Variants in ZDHHC11B observed in about 807,000 individuals in gnomAD.
The protein encoded by ZDHHC11B is zDHHC palmitoyltransferase 11B (putative), also known as probable palmitoyltransferase ZDHHC11B.
A neutral mutation model predicts 42.3 loss-of-function variants in ZDHHC11B; 17 were observed. The ratio of observed to expected loss-of-function variants is 0.40; its 90% confidence interval spans 0.27 to 0.60. The LOEUF (loss-of-function observed/expected upper bound fraction) is 0.60, where lower values mean the gene tolerates loss of function less well. Among genes scored for constraint, ZDHHC11B ranks in the 20% least tolerant of loss-of-function variants. ZDHHC11B has a pLI of 0.41. For missense variants in ZDHHC11B, 262 were observed against 463.2 expected (o/e 0.57, Z 3.99); for synonymous variants, 123 against 193.5 (o/e 0.64, Z 3.02).
Position 784,708 on chromosome 5 carries a change from C to T in ZDHHC11B, c.-270G>A, listed in dbSNP as rs1047183472. On this transcript the variant is annotated 5_prime_UTR_variant, in exon 1 of 14. Coordinates refer to ENST00000508859, the MANE Select transcript of ZDHHC11B (RefSeq NM_001351303.2). ...ACTGCAGCGGAGGCTCCCCCGCGAC[C>T]CGGCCGCGCGCGACCAAGTGCTCAG... is the stretch of plus-strand genomic sequence containing the variant. 2.0e-5 allele frequency among the ~76,000 whole-genome samples: 3 copies of T among 150,022 alleles called. No individual in the cohort carries two copies. The highest frequency in any genetic ancestry group is 2.1e-4 in the South Asian group (1 of 4,762).
chr5:764,176 G>T (rs1219181296), intron 4 of ZDHHC11B, among the ~76,000 whole-genome samples: 1 of 151,966 alleles, frequency 6.6e-6, no homozygotes, highest in Non-Finnish European at 1.5e-5. Flanking sequence ...TGCCCGGGAT[G>T]GCCCAGCCCA....
In ZDHHC11B at chr5:767,020, G is replaced by A. The variant is rs531047202; in HGVS notation, c.1-101C>T. Reference sequence around the variant, plus strand: ...ACGGGGACTGGGAACATGGCCCCCAGGACCAGCACTGACAGCCAATGGCCC... The same window carrying A: ...ACGGGGACTGGGAACATGGCCCCCAAGACCAGCACTGACAGCCAATGGCCC... On this transcript the variant is annotated intron_variant, in intron 3 of 13. Coordinates refer to ENST00000508859, the MANE Select transcript of ZDHHC11B (RefSeq NM_001351303.2). 8.1e-4 allele frequency: 1,120 copies of A among 1,381,650 alleles called. 25 individuals carry two copies. The highest frequency in any genetic ancestry group is 2.9e-3 in the Middle Eastern group (16 of 5,494). 85.6% of individuals were successfully genotyped at this position (1,381,650 alleles called of 1,614,324 possible). A position where few individuals can be genotyped will look rare whatever the true frequency, so the allele number is the denominator to read the frequency against.
intron 1 of ZDHHC11B, among the ~76,000 whole-genome samples, chr5:783,634 C>A (rs1163399341): frequency 6.7e-6 from 1 of 150,334 alleles, no homozygotes; most frequent in Non-Finnish European, 1.5e-5. Context: ...CCCCCAACCC[C>A]CATCAAAACA....
chr5:773,057 A>C (rs1736186377), intron 1 of ZDHHC11B, among the ~76,000 whole-genome samples: 1 of 151,900 alleles, frequency 6.6e-6, no homozygotes, highest in South Asian at 2.1e-4. Context: ...AGGAGCGGAG[A>C]AGATGGGAGA....
rs113684681 is a variant in ZDHHC11B, at chr5:739,096, CA to C, written c.935+2497del. On this transcript the variant is annotated intron_variant, in intron 10 of 13. Transcript: ENST00000508859. ...TCTAAAAGGAACTCAAACAAATCCG[CA>C]AAAAAAAAACAAATCATCCAATTGG... 6.2e-5 allele frequency among the ~76,000 whole-genome samples: 9 copies of C among 145,494 alleles called. No homozygotes were observed. In the East Asian group the frequency reaches 8.1e-4, roughly 13 times the overall value.
intron 1 of ZDHHC11B, among the ~76,000 whole-genome samples, chr5:783,467 C>T (rs1167677652): frequency 2.1e-5 from 3 of 145,522 alleles, no homozygotes; most frequent in East Asian, 2.4e-4. Context: ...ACCTCTCCCC[C>T]TGAGAAGTCA....
chr5:783,880 C>T (rs1286586692), intron 1 of ZDHHC11B, among the ~76,000 whole-genome samples: 3 of 147,004 alleles, frequency 2.0e-5, no homozygotes, highest in Non-Finnish European at 4.5e-5. Flanking sequence ...AAGACAGCAG[C>T]CCCCCTAAAC....
intron 10 of ZDHHC11B, among the ~76,000 whole-genome samples, chr5:740,668 A>G (rs1457263232): frequency 2.7e-5 from 4 of 147,420 alleles, no homozygotes; most frequent in African/African-American, 1.0e-4. Flanking sequence ...ACCTTAGAGT[A>G]ATGACGCCTT....
At chr5:765,618 C>T (rs1285345868) in intron 4 of ZDHHC11B, among the ~76,000 whole-genome samples, 4 of 151,858 alleles carry the variant, frequency 2.6e-5, no homozygotes, top group East Asian at 1.9e-4. Context: ...TTCTCTTCCA[C>T]ATTGTGGAAG....
In ZDHHC11B at chr5:719,538, G is replaced by T. The variant is rs560884692; in HGVS notation, c.1059-2673C>A. 2.6e-4 allele frequency among the ~76,000 whole-genome samples: 39 copies of T among 150,838 alleles called. 1 individual carries two copies. The highest frequency in any genetic ancestry group is 8.8e-4 in the African/African-American group (36 of 40,916). ...GGAAAGTACATAACTGAAATAAAAA[G>T]TTCATTAGAAGAGTTCAACAGATCT... On this transcript the variant is annotated intron_variant, in intron 12 of 13. Coordinates refer to ENST00000508859, the MANE Select transcript of ZDHHC11B (RefSeq NM_001351303.2).
At position 743,389 on chromosome 5, in the gene ZDHHC11B, C is replaced by T. The variant is rs1248009015; in HGVS notation, c.901-1761G>A. On this transcript the variant is annotated intron_variant, in intron 9 of 13. Transcript: ENST00000508859. Reference sequence around the variant, plus strand: ...AAAATCATTTGGCTAGTACAGTAGCCTAGGTCTTTTGAATTTGCATATACA... The same window carrying T: ...AAAATCATTTGGCTAGTACAGTAGCTTAGGTCTTTTGAATTTGCATATACA... Among the ~76,000 whole-genome samples, 23 of 148,300 alleles carry T rather than the reference C, an allele frequency of 1.6e-4. 2 individuals are homozygous for T. The highest frequency in any genetic ancestry group is 5.7e-4 in the African/African-American group (23 of 40,438).
rs116485348 is a variant in ZDHHC11B at position 733,450 on chromosome 5, G to T, written c.1023+302C>A. ...GCACTGTCCCTCGCTGCATGTTCTG[G>T]GCACTTCAGACCCTGCCCTGGGCAT... On this transcript the variant is annotated intron_variant, in intron 11 of 13. Transcript: ENST00000508859. 6.6e-3 allele frequency among the ~76,000 whole-genome samples: 1,003 copies of T among 151,428 alleles called. 43 individuals are homozygous for T. Among genetic ancestry groups the T allele is most frequent in the African/African-American group, 0.023 (931 of 41,050 alleles).
intron 1 of ZDHHC11B, among the ~76,000 whole-genome samples, chr5:783,221 G>T (rs1450557122): frequency 1.8e-4 from 27 of 152,202 alleles, no homozygotes; most frequent in African/African-American, 5.8e-4. Context: ...CAGCCGCTCC[G>T]GGAGCCCGCC....
intron 1 of ZDHHC11B, among the ~76,000 whole-genome samples, chr5:776,784 C>T (rs1179870571): frequency 2.0e-5 from 3 of 151,922 alleles, no homozygotes; most frequent in South Asian, 4.2e-4. Flanking sequence ...TTAAACAGGG[C>T]CAAGGAACAA....
At chr5:752,266 C>T (rs1156929888) in intron 6 of ZDHHC11B, among the ~76,000 whole-genome samples, 1 of 81,404 alleles carries the variant, frequency 1.2e-5, no homozygotes, top group African/African-American at 3.7e-5. Flanking sequence ...TGGAGGAGCC[C>T]GGCCACACCT....
chr5:721,015 G>A (rs1442086876), intron 12 of ZDHHC11B, among the ~76,000 whole-genome samples: 2 of 151,748 alleles, frequency 1.3e-5, no homozygotes, highest in African/African-American at 4.9e-5. Flanking sequence ...GAAGGTTGAG[G>A]TGGAAAGATT....
intron 11 of ZDHHC11B, among the ~76,000 whole-genome samples, chr5:733,064 TA>T (rs1257798002): frequency 6.6e-6 from 1 of 151,246 alleles, no homozygotes; most frequent in Non-Finnish European, 1.5e-5. Context: ...CTCTAAAAAA[TA>T]AATAATGACC....
intron 1 of ZDHHC11B, among the ~76,000 whole-genome samples, chr5:771,666 G>T (rs192779387): frequency 1.1e-4 from 17 of 151,904 alleles, no homozygotes; most frequent in African/African-American, 4.1e-4. Flanking sequence ...GGCCTCTGCA[G>T]CAGGGGTCGC....
At position 770,037 on chromosome 5, in the gene ZDHHC11B, C is replaced by T. The variant is rs371561512; in HGVS notation, c.-229-1107G>A. On this transcript the variant is annotated intron_variant, in intron 1 of 13. Transcript: ENST00000508859. ...CTCCAGCGACAGCTTCTTGGCTGCCCAGTCCTTCGAGGGGTCCCCCGGGGA... is the reference window on the plus strand; with the variant it reads ...CTCCAGCGACAGCTTCTTGGCTGCCTAGTCCTTCGAGGGGTCCCCCGGGGA... 4.1e-4 allele frequency among the ~76,000 whole-genome samples: 62 copies of T among 151,954 alleles called. No individual in the cohort carries two copies. The East Asian group carries it at 8.7e-3, about 21-fold the overall frequency.
Sources: allele counts gnomAD v4.1 joint callset (sites outside exome capture counted in the v4.1 genomes callset), GRCh38; gene constraint gnomAD v4.1.1; transcripts MANE v1.5; gene names NCBI Gene and HGNC (gene_info 2026-07-23, HGNC 2026-07-21).